The following PDE8B variants were observed in gnomAD, a reference collection of about 807,000 sequenced individuals.
PDE8B encodes the protein phosphodiesterase 8B, also known as high affinity cAMP-specific and IBMX-insensitive 3',5'-cyclic phosphodiesterase 8B.
Under a neutral mutation model 101.3 loss-of-function variants are expected in PDE8B, and 26 were observed. The ratio of observed to expected loss-of-function variants is 0.26; its 90% confidence interval spans 0.19 to 0.36. The LOEUF (loss-of-function observed/expected upper bound fraction) is 0.36. Ranked by LOEUF, PDE8B falls within the 10% of genes least tolerant of loss-of-function variation. The probability of loss-of-function intolerance (pLI) is 1.00; values close to 1 mark genes in which losing one functional copy is unlikely to be tolerated. For synonymous variants in PDE8B, 424 were observed against 429.3 expected, an observed-to-expected ratio of 0.99 and a Z score of 0.15; for missense variants, 810 against 1,163.1, an observed-to-expected ratio of 0.70 and a Z score of 4.42.
At chr5:77,385,682 C>T (rs563549310) in intron 10 of PDE8B, among the ~76,000 whole-genome samples, 2 of 151,902 alleles carry the variant, frequency 1.3e-5, no homozygotes, top group East Asian at 3.9e-4. Flanking sequence ...TCTTTGTTCT[C>T]ATTGGTTTAA....
chr5:77,165,524 A>C, the PDE8B span: 1 of 152,258 alleles, frequency 6.6e-6, no homozygotes, highest in Admixed American at 6.5e-5. Context: ...AATAGGTCTA[A>C]GACAGACAAT....
At chr5:77,284,608 T>G (rs986020611) in intron 1 of PDE8B, among the ~76,000 whole-genome samples, 1 of 152,216 alleles carries the variant, frequency 6.6e-6, no homozygotes, top group African/African-American at 2.4e-5. Flanking sequence ...ATAGAACCAG[T>G]ACTTCAGAAG....
chr5:77,306,854 A>G (rs969824984), intron 1 of PDE8B, among the ~76,000 whole-genome samples: 5 of 152,164 alleles, frequency 3.3e-5, no homozygotes, highest in Admixed American at 6.5e-5. Flanking sequence ...TTTCTATTGA[A>G]GTGAAGCCAA....
In PDE8B at chr5:77,413,283, T is replaced by C; in HGVS notation, c.1885T>C (p.Phe629Leu). Reference protein sequence around the residue: ...HAADVLHATAFFLGKERVKGS... With the variant: ...HAADVLHATALFLGKERVKGS... Reference sequence around the variant, plus strand: ...TGCCGACGTCCTGCACGCCACCGCTTTCTTTCTTGGAAAGGAAAGAGTAAA... The same window carrying C: ...TGCCGACGTCCTGCACGCCACCGCTCTCTTTCTTGGAAAGGAAAGAGTAAA... Residue 629 changes from phenylalanine to leucine, a missense_variant, in exon 17 of 22, where the codon TTC becomes CTC. Coordinates refer to ENST00000264917, the MANE Select transcript of PDE8B (RefSeq NM_003719.5). 6.2e-7 allele frequency: 1 copy of C among 1,613,674 alleles called. No individual in the cohort carries two copies. The highest frequency in any genetic ancestry group is 8.5e-7 in the Non-Finnish European group (1 of 1,179,720).
intron 1 of PDE8B, among the ~76,000 whole-genome samples, chr5:77,223,478 A>G (rs1751648289): frequency 6.7e-6 from 1 of 148,496 alleles, no homozygotes; most frequent in Non-Finnish European, 1.5e-5. Context: ...GGGACTACCC[A>G]CATCTCAAGT....
chr5:77,092,696 A>C, the PDE8B span, among the ~76,000 whole-genome samples: 1 of 152,066 alleles, frequency 6.6e-6, no homozygotes. Flanking sequence ...AAGCAGGCGG[A>C]TTACTTGAGC....
intron 19 of PDE8B, among the ~76,000 whole-genome samples, 171 bp downstream of exon 19, chr5:77,420,058 T>C (rs1796312558): frequency 1.3e-5 from 2 of 152,192 alleles, no homozygotes; most frequent in Admixed American, 1.3e-4. Flanking sequence ...GAAAATAAAC[T>C]GTGTCCACAG....
rs1364086144 is a variant in PDE8B at position 77,426,634 on chromosome 5, T to C, written c.*80T>C. On this transcript the variant is annotated 3_prime_UTR_variant, in exon 22 of 22. Transcript: ENST00000264917. Reference sequence around the variant, plus strand: ...AGCGTAAACGAGAGGCCTTCCTTTCTAATGACAATGACAGGTATTGGTGAA... The same window carrying C: ...AGCGTAAACGAGAGGCCTTCCTTTCCAATGACAATGACAGGTATTGGTGAA... 1 of 767,666 alleles carries C rather than the reference T, an allele frequency of 1.3e-6. No homozygotes were observed. The highest frequency in any genetic ancestry group is 2.4e-4 in the Middle Eastern group (1 of 4,108). 47.6% of individuals were successfully genotyped at this position (767,666 alleles called of 1,614,324 possible).
the PDE8B span, among the ~76,000 whole-genome samples, chr5:77,187,162 T>A: frequency 5.4e-4 from 83 of 152,360 alleles, 1 homozygote; most frequent in East Asian, 0.016. Context: ...CTAAGATGAC[T>A]TCACAAAGGT....
the PDE8B span, among the ~76,000 whole-genome samples, chr5:77,126,611 G>C: frequency 6.6e-6 from 1 of 151,998 alleles, no homozygotes; most frequent in Admixed American, 6.5e-5. Context: ...TTGTTGTCAG[G>C]GTCTCTCCAT....
the PDE8B span, chr5:77,146,856 C>A: frequency 2.8e-6 from 1 of 357,102 alleles, no homozygotes; most frequent in South Asian, 2.8e-5. Context: ...CCAATGCACC[C>A]AAGAGGCATT....
At chr5:77,413,530 C>T (rs1561678453) in intron 17 of PDE8B, among the ~76,000 whole-genome samples, 1 of 152,054 alleles carries the variant, frequency 6.6e-6, no homozygotes, top group Non-Finnish European at 1.5e-5. Flanking sequence ...ATTATATCAC[C>T]ATAGAGACTC....
chr5:77,425,031 T>C (rs147659910), intron 20 of PDE8B, among the ~76,000 whole-genome samples: 177 of 152,302 alleles, frequency 1.2e-3, no homozygotes, highest in African/African-American at 4.0e-3. Flanking sequence ...GCAAATAATA[T>C]AATGACTATG....
chr5:77,113,322 A>C, the PDE8B span: 1 of 151,668 alleles, frequency 6.6e-6, no homozygotes, highest in East Asian at 1.9e-4. Context: ...AGATATATAG[A>C]CCAATGGAAC....
At chr5:77,140,116 A>G in the PDE8B span, 8 of 152,046 alleles carry the variant, frequency 5.3e-5, no homozygotes, top group East Asian at 1.9e-4. Flanking sequence ...GATATCACCA[A>G]CTCTCAACCA....
At chr5:77,355,555 G>A (rs971042711) in intron 10 of PDE8B, among the ~76,000 whole-genome samples, 2 of 152,136 alleles carry the variant, frequency 1.3e-5, no homozygotes, top group Admixed American at 1.3e-4. Flanking sequence ...GCTCTCTCCT[G>A]GTAAGGCTTG....
chr5:77,189,202 C>A, the PDE8B span, among the ~76,000 whole-genome samples: 7 of 152,208 alleles, frequency 4.6e-5, no homozygotes. Flanking sequence ...CCCACTCTGA[C>A]TTGTCATCCT....
At chr5:77,115,809 G>A in the PDE8B span, among the ~76,000 whole-genome samples, 1 of 152,118 alleles carries the variant, frequency 6.6e-6, no homozygotes, top group African/African-American at 2.4e-5. Flanking sequence ...TGACGCTGGA[G>A]GTACAGTATT....
At chr5:77,102,711 G>C in the PDE8B span, among the ~76,000 whole-genome samples, 3,098 of 149,966 alleles carry the variant, frequency 0.021, 81 homozygotes, top group African/African-American at 0.065. Flanking sequence ...CAGGTTGGTG[G>C]CTGGGGAAAC....
Sources: allele counts gnomAD v4.1 joint callset (sites outside exome capture counted in the v4.1 genomes callset), GRCh38; gene constraint gnomAD v4.1.1; transcripts MANE v1.5; gene names NCBI Gene and HGNC (gene_info 2026-07-23, HGNC 2026-07-21).